The following CCDC73 variants were observed in gnomAD, a reference collection of about 807,000 sequenced individuals.
CCDC73 encodes the protein coiled-coil domain-containing protein 73.
In CCDC73, 95 loss-of-function variants were observed where a neutral mutation model predicts 116.5. That is an observed-to-expected ratio of 0.82 (90% CI 0.69 to 0.97). The LOEUF (loss-of-function observed/expected upper bound fraction) is 0.97, where lower values mean the gene tolerates loss of function less well. Ranked by LOEUF, CCDC73 falls within the 50% of genes least tolerant of loss-of-function variation. The pLI is 0.00. For missense variants in CCDC73, 1,066 were observed against 1,206.8 expected (o/e 0.88, Z 1.73); for synonymous variants, 398 against 401.3 (o/e 0.99, Z 0.10).
intron 3 of CCDC73, among the ~76,000 whole-genome samples, chr11:32,707,466 G>T (rs1389180658): frequency 6.7e-6 from 1 of 149,280 alleles, no homozygotes; most frequent in African/African-American, 2.5e-5. Flanking sequence ...ACACCTATTT[G>T]TTTTTTCCTG....
In CCDC73 at chr11:32,750,461, C is replaced by CAT. The variant is rs574978491; in HGVS notation, c.135+9646_135+9647dup. Among the ~76,000 whole-genome samples the CAT allele has an allele frequency of 1.3e-4, 20 of 152,304 alleles. No individual in the cohort carries two copies. In the South Asian group the frequency reaches 4.1e-3, roughly 32 times the overall value. ...ACTGTCCCTGAGCTCTAGGCAGGTC[C>CAT]ATGCCATCCAGGAGCCAGGGCCCAG... On this transcript the variant is annotated intron_variant, in intron 2 of 17. Coordinates refer to ENST00000335185, the MANE Select transcript of CCDC73 (RefSeq NM_001008391.4).
chr11:32,811,642 A>C, the CCDC73 span, among the ~76,000 whole-genome samples: 1 of 152,146 alleles, frequency 6.6e-6, no homozygotes, highest in Non-Finnish European at 1.5e-5. Context: ...TTATGTCAGA[A>C]GGCAAAGGGG....
chr11:32,790,345 A>G (rs2133406512), intron 1 of CCDC73, among the ~76,000 whole-genome samples: 1 of 152,226 alleles, frequency 6.6e-6, no homozygotes, highest in East Asian at 1.9e-4. Flanking sequence ...TTGTCAGATC[A>G]TATGGTTAGC....
the CCDC73 span, among the ~76,000 whole-genome samples, chr11:32,825,371 C>T: frequency 7.4e-3 from 1,055 of 142,814 alleles, 15 homozygotes; most frequent in African/African-American, 0.026. Flanking sequence ...GGCACCATCT[C>T]GGCTCATCGC....
chr11:32,713,464 T>C (rs1849919133), intron 3 of CCDC73, among the ~76,000 whole-genome samples: 2 of 152,046 alleles, frequency 1.3e-5, no homozygotes. Flanking sequence ...GGGATGGTTA[T>C]CATAAAGCCA....
intron 2 of CCDC73, chr11:32,758,264 C>G (rs1162189530): frequency 2.4e-6 from 1 of 420,724 alleles, no homozygotes; most frequent in Admixed American, 2.4e-5. Flanking sequence ...TAGATGCACT[C>G]AAAATGGTCC....
At position 32,653,113 on chromosome 11, in the gene CCDC73, T is replaced by C. The variant is rs372443142; in HGVS notation, c.939+10A>G. On this transcript the variant is annotated intron_variant, in intron 12 of 17. Transcript: ENST00000335185. ...ATAGATAGACAGACAGACAGACAGA[T>C]AGAACGAACCTGATTATTTTCTTTT... 122 of 1,520,178 alleles carry C rather than the reference T, an allele frequency of 8.0e-5. No individual in the cohort carries two copies. The Middle Eastern group carries it at 1.0e-3, about 13-fold the overall frequency. 94.2% of individuals were successfully genotyped at this position (1,520,178 alleles called of 1,614,324 possible).
chr11:32,809,663 C>T, the CCDC73 span, among the ~76,000 whole-genome samples: 1 of 152,126 alleles, frequency 6.6e-6, no homozygotes, highest in African/African-American at 2.4e-5. Context: ...AGAATTGCCC[C>T]TAAATAGGAA....
chr11:32,804,149 T>G, the CCDC73 span, among the ~76,000 whole-genome samples: 7 of 151,116 alleles, frequency 4.6e-5, no homozygotes, highest in Non-Finnish European at 7.4e-5. Flanking sequence ...CATCATTTCG[T>G]TTTTTTTGAG....
intron 9 of CCDC73, among the ~76,000 whole-genome samples, chr11:32,663,593 G>T (rs1306215239): frequency 6.6e-6 from 1 of 152,142 alleles, no homozygotes; most frequent in African/African-American, 2.4e-5. Flanking sequence ...AGACAATGGG[G>T]TTTTCTAAAT....
upstream of CCDC73, among the ~76,000 whole-genome samples, chr11:32,796,724 T>C (rs576614324): frequency 2.4e-4 from 36 of 152,008 alleles, no homozygotes; most frequent in South Asian, 1.3e-3. Flanking sequence ...TAAAGGGGTT[T>C]TTCGGCCAGC....
chr11:32,796,526 G>T (rs1001059668), upstream of CCDC73, among the ~76,000 whole-genome samples: 1 of 152,172 alleles, frequency 6.6e-6, no homozygotes, highest in Non-Finnish European at 1.5e-5. Context: ...CTAATGAGTT[G>T]AATGTAATCA....
chr11:32,716,560 G>GGATT (rs1174493559), intron 3 of CCDC73, among the ~76,000 whole-genome samples: 2 of 151,930 alleles, frequency 1.3e-5, no homozygotes, highest in Non-Finnish European at 2.9e-5. Flanking sequence ...ATTTTAAATT[G>GGATT]GATTTATTTA....
chr11:32,737,263 G>GTA (rs1489026981), intron 2 of CCDC73, among the ~76,000 whole-genome samples: 3 of 147,748 alleles, frequency 2.0e-5, no homozygotes, highest in Non-Finnish European at 4.5e-5. Flanking sequence ...GTGTGTGTGT[G>GTA]TGTGTGTGTG....
intron 9 of CCDC73, among the ~76,000 whole-genome samples, chr11:32,669,606 C>T (rs1403023680): frequency 1.3e-5 from 2 of 151,944 alleles, no homozygotes; most frequent in Non-Finnish European, 2.9e-5. Flanking sequence ...CCCCCCACCC[C>T]GCCCCTCACT....
At chr11:32,668,704 G>A (rs904400433) in intron 9 of CCDC73, among the ~76,000 whole-genome samples, 4 of 152,110 alleles carry the variant, frequency 2.6e-5, no homozygotes, top group Non-Finnish European at 5.9e-5. Context: ...TCCATTCAAG[G>A]TAACAACCAC....
chr11:32,661,008 C>T (rs760549545), intron 9 of CCDC73, among the ~76,000 whole-genome samples: 1 of 151,924 alleles, frequency 6.6e-6, no homozygotes, highest in African/African-American at 2.4e-5. Context: ...TCCACATAAG[C>T]GGGAACAGTC....
chr11:32,762,825 G>A (rs1409638821), intron 1 of CCDC73, among the ~76,000 whole-genome samples: 9 of 152,114 alleles, frequency 5.9e-5, no homozygotes, highest in Admixed American at 3.9e-4. Context: ...GAAGTGCAAG[G>A]GGTCAGGGAA....
chr11:32,707,247 C>T (rs886601335), intron 3 of CCDC73, among the ~76,000 whole-genome samples: 3 of 152,030 alleles, frequency 2.0e-5, no homozygotes, highest in Non-Finnish European at 2.9e-5. Context: ...ACTGTTGTTT[C>T]CCAGTCAAAA....
Sources: gnomAD v4.1 joint callset for allele counts (sites outside exome capture counted in the v4.1 genomes callset) on GRCh38, gnomAD v4.1.1 for gene constraint, MANE v1.5 for transcripts, NCBI Gene and HGNC (gene_info 2026-07-23, HGNC 2026-07-21) for gene names.